The following CYP3A4 variants were observed in gnomAD, a reference collection of about 807,000 sequenced individuals.
CYP3A4 encodes the protein cytochrome P450 3A4.
CYP3A4 carries 41 observed loss-of-function variants against 54.9 expected under a neutral mutation model. That is an observed-to-expected ratio of 0.75 (90% CI 0.58 to 0.97). CYP3A4 has a LOEUF of 0.97. CYP3A4 is among the 50% of genes least tolerant of loss of function. The pLI is 0.00. For synonymous variants in CYP3A4, 179 were observed against 205.2 expected, an observed-to-expected ratio of 0.87 and a Z score of 1.09; for missense variants, 510 against 597.3, an observed-to-expected ratio of 0.85 and a Z score of 1.52.
intron 12 of CYP3A4, among the ~76,000 whole-genome samples, chr7:99,759,442 A>G (rs1213945266): frequency 6.7e-6 from 1 of 149,504 alleles, no homozygotes; most frequent in Admixed American, 6.7e-5. Flanking sequence ...ACACACACAC[A>G]TGCATATGCA....
At chr7:99,762,505 A>G (rs2151554747) in intron 10 of CYP3A4, among the ~76,000 whole-genome samples, 1 of 152,018 alleles carries the variant, frequency 6.6e-6, no homozygotes, top group African/African-American at 2.4e-5. Context: ...CACCCCAGGG[A>G]CTGAAATCCT....
At chr7:99,760,689 C>T (rs1171331397) in intron 12 of CYP3A4, 130 bp downstream of exon 12, 2 of 1,231,874 alleles carry the variant, frequency 1.6e-6, no homozygotes, top group African/African-American at 3.0e-5. Context: ...CACAGATGGG[C>T]CTAATTGATT....
Position 99,778,081 on chromosome 7 carries a change from C to T in CYP3A4, c.166-1G>A, listed in dbSNP as rs779398469. 1.9e-6 allele frequency: 3 copies of T among 1,610,496 alleles called. No individual in the cohort carries two copies. The highest frequency in any genetic ancestry group is 2.2e-5 in the South Asian group (2 of 90,802). ...ATTCCATGTCAAACATACAAAAGCC[C>T]TGGGAGGAGAAACAAAATAATATTT... On this transcript the variant is annotated splice_acceptor_variant, in intron 2 of 12. Transcript: ENST00000651514. LOFTEE classifies it high-confidence loss of function.
At chr7:99,769,978 C>A (rs1815586979) in intron 5 of CYP3A4, 122 bp from the exon 6 acceptor site, 1 of 1,567,618 alleles carries the variant, frequency 6.4e-7, no homozygotes, top group African/African-American at 1.4e-5. Context: ...GATGTGTTTT[C>A]TGTACATAAA....
Position 99,758,014 on chromosome 7 carries a change from G to A in CYP3A4, c.*119C>T. The A allele has an allele frequency of 1.3e-6, 1 of 783,270 alleles. No homozygotes were observed. The highest frequency in any genetic ancestry group is 1.7e-5 in the African/African-American group (1 of 58,400). The allele number at this position is 783,270 out of a possible 1,614,324, so 48.5% of individuals were successfully genotyped here. A position where few individuals can be genotyped will look rare whatever the true frequency, so the allele number is the denominator to read the frequency against. On this transcript the variant is annotated 3_prime_UTR_variant, in exon 13 of 13. Coordinates refer to ENST00000651514, the MANE Select transcript of CYP3A4 (RefSeq NM_017460.6). ...ATGTACAGAATCCCCGGTTATTTATGCAGTCCATTGGATGAAGCCCATCTT... is the reference window on the plus strand; with the variant it reads ...ATGTACAGAATCCCCGGTTATTTATACAGTCCATTGGATGAAGCCCATCTT...
rs1243573706 is a variant in CYP3A4 at position 99,758,186 on chromosome 7, T to G, written c.1459A>C (p.Lys487Gln). ...LSLGGLLQPE[K>Q]PVVLKVESRD... Reference sequence around the variant, plus strand: ...GACTCAACCTTTAGAACAACGGGTTTTTCTGGTTGAAGAAGTCCTCCTAAG... The same window carrying G: ...GACTCAACCTTTAGAACAACGGGTTGTTCTGGTTGAAGAAGTCCTCCTAAG... The change falls in exon 13 of 13, where the codon AAA becomes CAA. Residue 487 changes from lysine (K) to glutamine (Q), a missense_variant. Around this residue, in one of 2 missense-constraint regions of CYP3A4, gnomAD observed 238 missense variants for 322.5 expected, o/e 0.74. Transcript: ENST00000651514. The G allele has an allele frequency of 6.2e-7, 1 of 1,613,920 alleles. No individual in the cohort carries two copies. The highest frequency in any genetic ancestry group is 1.7e-5 in the Admixed American group (1 of 59,994).
At chr7:99,763,714 T>C in intron 10 of CYP3A4, 141 bp downstream of exon 10, 1 of 1,228,148 alleles carries the variant, frequency 8.1e-7, no homozygotes, top group South Asian at 1.6e-5. Context: ...TCTTTCTTTT[T>C]CTTTTCAGAG....
chr7:99,774,713 T>C (rs553215815), intron 3 of CYP3A4, among the ~76,000 whole-genome samples: 5 of 152,192 alleles, frequency 3.3e-5, no homozygotes, highest in Non-Finnish European at 7.3e-5. Context: ...GAGCTATTTA[T>C]GACAAACCCA....
At chr7:99,769,521 C>A in intron 6 of CYP3A4, 1 of 509,090 alleles carries the variant, frequency 2.0e-6, no homozygotes, top group Non-Finnish European at 3.6e-6. Flanking sequence ...CTAGAATATC[C>A]AAGGTGACAA....
chr7:99,768,246 A>G, intron 7 of CYP3A4, 108 bp downstream of exon 7: 1 of 1,248,460 alleles, frequency 8.0e-7, no homozygotes, highest in Non-Finnish European at 1.1e-6. Context: ...ACTACAAATC[A>G]CTGAACTGTA....
chr7:99,759,812 A>G (rs1815270534), intron 12 of CYP3A4, among the ~76,000 whole-genome samples: 1 of 151,854 alleles, frequency 6.6e-6, no homozygotes, highest in Non-Finnish European at 1.5e-5. Flanking sequence ...CTTGAAAGAT[A>G]AGAACAAAAT....
chr7:99,782,487 G>T (rs900717930), intron 1 of CYP3A4, among the ~76,000 whole-genome samples: 14 of 152,164 alleles, frequency 9.2e-5, no homozygotes, highest in Non-Finnish European at 1.5e-4. Context: ...CTAAGGTATT[G>T]TCTGCCCAGC....
chr7:99,779,656 TACTA>T (rs1043315472), intron 2 of CYP3A4, among the ~76,000 whole-genome samples: 8 of 151,760 alleles, frequency 5.3e-5, no homozygotes, highest in Admixed American at 2.0e-4. Context: ...CTACTTTTAA[TACTA>T]ACTAAGTATG....
chr7:99,770,911 T>G (rs1246325515), intron 4 of CYP3A4, among the ~76,000 whole-genome samples: 2 of 152,186 alleles, frequency 1.3e-5, no homozygotes, highest in Non-Finnish European at 2.9e-5. Flanking sequence ...TTTTTTATAA[T>G]GAGTACTTCC....
intron 1 of CYP3A4, among the ~76,000 whole-genome samples, 158 bp downstream of exon 1, chr7:99,783,853 C>A (rs1417599867): frequency 6.6e-6 from 1 of 152,204 alleles, no homozygotes; most frequent in Non-Finnish European, 1.5e-5. Context: ...AGGCAGTCCA[C>A]TTGCCTTAGC....
At chr7:99,781,371 A>T (rs1310658889) in intron 1 of CYP3A4, among the ~76,000 whole-genome samples, 1 of 152,208 alleles carries the variant, frequency 6.6e-6, no homozygotes, top group African/African-American at 2.4e-5. Context: ...ATAGCCAGAC[A>T]TGCTAATTTT....
chr7:99,758,377 C>A lies in CYP3A4; in HGVS notation c.1417-149G>T, dbSNP rs1001693874. On this transcript the variant is annotated intron_variant, in intron 12 of 12. Transcript: ENST00000651514. ...TATGGAGTAATGGGCAAAAAAAATG[C>A]AGTAATGACAATAATGCTTTGTAAA... The A allele has an allele frequency of 8.1e-5, 69 of 852,278 alleles. 2 individuals carry two copies. The Admixed American group carries it at 1.2e-3, about 15-fold the overall frequency. The allele number at this position is 852,278 out of a possible 1,614,324, so 52.8% of individuals were successfully genotyped here.
intron 1 of CYP3A4, 109 bp downstream of exon 1, chr7:99,783,902 C>T: frequency 7.6e-7 from 1 of 1,313,100 alleles, no homozygotes; most frequent in Non-Finnish European, 1.1e-6. Flanking sequence ...AGCCACCACG[C>T]CCGGCCTGAA....
chr7:99,775,729 C>G (rs1183846811), intron 3 of CYP3A4, among the ~76,000 whole-genome samples: 4 of 152,014 alleles, frequency 2.6e-5, no homozygotes, highest in African/African-American at 9.7e-5. Context: ...GACCTAGGAC[C>G]ATAAAAATCC....
Sources: gnomAD v4.1 joint callset for allele counts (sites outside exome capture counted in the v4.1 genomes callset) on GRCh38, gnomAD v4.1.1 for gene constraint, gnomAD v4.1.1 regional missense constraint, MANE v1.5 for transcripts, NCBI Gene and HGNC (gene_info 2026-07-23, HGNC 2026-07-21) for gene names.